Variants in DMD observed in about 807,000 individuals in gnomAD.
DMD encodes mutant dystrophin.
Under a neutral mutation model 330.1 loss-of-function variants are expected in DMD, and 63 were observed. That is an observed-to-expected ratio of 0.19 (90% CI 0.16 to 0.24). DMD has a LOEUF of 0.24. Among genes scored for constraint, DMD ranks in the 10% least tolerant of loss-of-function variants. The pLI, the probability that DMD is intolerant of heterozygous loss-of-function variation, is 1.00. For missense variants in DMD, 3,344 were observed against 2,684.1 expected (o/e 1.25, Z -5.43); for synonymous variants, 1,223 against 959.8 (o/e 1.27, Z -5.07).
At position 32,638,279 on chromosome X, in the gene DMD, T is replaced by C. The variant is rs73467333; in HGVS notation, c.1331+5853A>G. 7.8e-3 allele frequency among the ~76,000 whole-genome samples: 878 copies of C among 112,064 alleles called. 14 individuals carry two copies. The highest frequency in any genetic ancestry group is 0.027 in the African/African-American group (823 of 30,851). ...ATCAACATATGAGGACTGAATGAAA[T>C]ATCAGCACCATTTTTAGAGCTCCTG... On this transcript the variant is annotated intron_variant, in intron 11 of 78. Transcript: ENST00000357033.
intron 1 of DMD, among the ~76,000 whole-genome samples, chrX:33,332,976 A>G (rs771446277): frequency 9.0e-6 from 1 of 111,022 alleles, no homozygotes; most frequent in Non-Finnish European, 1.9e-5. Context: ...ATTATGAGTA[A>G]TGTGAACCAG....
intron 2 of DMD, among the ~76,000 whole-genome samples, chrX:32,883,823 C>CCAAAAAAAAAAAAAAAAA (rs1169678184): frequency 2.0e-4 from 6 of 30,352 alleles, no homozygotes; most frequent in African/African-American, 8.6e-4. Flanking sequence ...GACTCTGTTT[C>CCAAAAAAAAAAAAAAAAA]AAAAAAAAAA....
chrX:32,263,059 T>C (rs1309104765), intron 43 of DMD, among the ~76,000 whole-genome samples: 1 of 111,993 alleles, frequency 8.9e-6, no homozygotes, highest in Admixed American at 9.5e-5. Flanking sequence ...TCTTAGAAAA[T>C]CCAATCTAAG....
intron 7 of DMD, among the ~76,000 whole-genome samples, chrX:32,757,962 G>A (rs2071723624): frequency 9.0e-6 from 1 of 111,699 alleles, no homozygotes; most frequent in Non-Finnish European, 1.9e-5. Context: ...GGAGGAGGAG[G>A]AAGAGGAGGG....
At chrX:31,138,898 C>G (rs1443276970) in intron 76 of DMD, among the ~76,000 whole-genome samples, 3 of 111,514 alleles carry the variant, frequency 2.7e-5, no homozygotes, top group Non-Finnish European at 5.6e-5. Flanking sequence ...ATATTTCTGA[C>G]TCTAACAATA....
intron 1 of DMD, among the ~76,000 whole-genome samples, chrX:33,151,089 C>T (rs1404665996): frequency 8.9e-6 from 1 of 112,576 alleles, no homozygotes; most frequent in African/African-American, 3.2e-5. Context: ...TGCCCTCTGG[C>T]ATGGAGTTCA....
intron 76 of DMD, among the ~76,000 whole-genome samples, chrX:31,141,607 G>A (rs1045289736): frequency 2.7e-5 from 3 of 111,817 alleles, no homozygotes; most frequent in African/African-American, 9.8e-5. Flanking sequence ...TGACCTTGGT[G>A]ACTGGATTGA....
chrX:32,170,239 G>C (rs1299833070), intron 44 of DMD, among the ~76,000 whole-genome samples: 1 of 110,105 alleles, frequency 9.1e-6, no homozygotes, highest in East Asian at 2.8e-4. Context: ...GGGAGGCTGA[G>C]GTGGATGGAT....
chrX:33,218,511 T>C (rs1242441409), intron 1 of DMD, among the ~76,000 whole-genome samples: 4 of 110,448 alleles, frequency 3.6e-5, no homozygotes, highest in Admixed American at 9.6e-5. Context: ...AGTGTCTTTT[T>C]CTCTTTCACT....
Position 31,929,038 on chromosome X carries a change from T to C in DMD, c.6912+558A>G, listed in dbSNP as rs368376891. ...TTACTATAAATTCATATGTACCACT[T>C]GCTTTATATAAAATAAATATGTATT... On this transcript the variant is annotated intron_variant, in intron 47 of 78. Coordinates refer to ENST00000357033, the MANE Select transcript of DMD (RefSeq NM_004006.3). 8.9e-5 allele frequency among the ~76,000 whole-genome samples: 10 copies of C among 112,209 alleles called. No homozygotes were observed. In the East Asian group the frequency reaches 2.5e-3, roughly 28 times the overall value.
chrX:32,357,768 T>C (rs1410896499), intron 37 of DMD, among the ~76,000 whole-genome samples: 2 of 110,603 alleles, frequency 1.8e-5, no homozygotes, highest in African/African-American at 6.6e-5. Flanking sequence ...GTCCATGACC[T>C]CTTCACACTG....
At chrX:32,993,306 T>TA (rs2093029351) in intron 2 of DMD, among the ~76,000 whole-genome samples, 3 of 111,857 alleles carry the variant, frequency 2.7e-5, no homozygotes, top group African/African-American at 6.5e-5. Context: ...GCCATTAATG[T>TA]AAAAAATCAA....
Position 32,823,425 on chromosome X carries a change from A to G in DMD, c.265-38T>C, listed in dbSNP as rs764613742. The G allele has an allele frequency of 4.4e-6, 4 of 901,173 alleles. No individual in the cohort carries two copies. The African/African-American group carries it at 7.8e-5, about 18-fold the overall frequency. 74.3% of individuals were successfully genotyped at this position (901,173 alleles called of 1,213,427 possible). ...GGGGTAAAACATTTGAAGGTAAGAG[A>G]CCAAATGCCTAGTTGCAATAATAAT... On this transcript the variant is annotated intron_variant, in intron 4 of 78. Transcript: ENST00000357033.
At chrX:32,593,210 T>C (rs951799098) in intron 13 of DMD, among the ~76,000 whole-genome samples, 2 of 112,498 alleles carry the variant, frequency 1.8e-5, no homozygotes, top group African/African-American at 3.2e-5. Context: ...AAGGATCCCA[T>C]GACACTTACA....
At chrX:32,278,180 C>T (rs1366671457) in intron 43 of DMD, among the ~76,000 whole-genome samples, 1 of 110,862 alleles carries the variant, frequency 9.0e-6, no homozygotes, top group East Asian at 2.8e-4. Flanking sequence ...CTACTATGAG[C>T]AACTATATGC....
At chrX:32,524,118 T>C (rs983218584) in intron 17 of DMD, among the ~76,000 whole-genome samples, 1 of 108,977 alleles carries the variant, frequency 9.2e-6, no homozygotes, top group Non-Finnish European at 1.9e-5. Context: ...GTATTTTTAG[T>C]AGAGATGTGG....
chrX:32,738,137 A>G (rs762317285), intron 7 of DMD, among the ~76,000 whole-genome samples: 3 of 111,985 alleles, frequency 2.7e-5, no homozygotes, highest in South Asian at 7.3e-4. Context: ...CCAAAATCAC[A>G]GAGGGTTACC....
intron 77 of DMD, among the ~76,000 whole-genome samples, chrX:31,127,529 C>G (rs897414066): frequency 8.9e-6 from 1 of 112,132 alleles, no homozygotes; most frequent in Non-Finnish European, 1.9e-5. Flanking sequence ...CCTTTAAAAT[C>G]TTGGTTTTCA....
Position 31,820,082 on chromosome X carries a change from C to CTTT in DMD, c.7201_7202insAAA (p.Lys2400dup). On this transcript the variant is annotated inframe_insertion and splice_region_variant, in exon 50 of 79. Transcript: ENST00000357033. ...CTCAGAGCTCAGATCTTCTAACTTC[C>CTTT]TCTTTAACAGAAAAGCATACACATT... 1 of 1,198,640 alleles carries CTTT rather than the reference C, an allele frequency of 8.3e-7. No individual in the cohort carries two copies. The highest frequency in any genetic ancestry group is 1.1e-6 in the Non-Finnish European group (1 of 883,420).
Sources: gnomAD v4.1 joint callset for allele counts (sites outside exome capture counted in the v4.1 genomes callset) on GRCh38, gnomAD v4.1.1 for gene constraint, MANE v1.5 for transcripts, NCBI Gene and HGNC (gene_info 2026-07-23, HGNC 2026-07-21) for gene names.